POLA1: variants seen among roughly 807,000 people sequenced by gnomAD.
POLA1 encodes the protein DNA polymerase alpha catalytic subunit.
In POLA1, 15 loss-of-function variants were observed where a neutral mutation model predicts 124.0. The observed-to-expected ratio is 0.12, with a 90% CI of 0.08 to 0.19. POLA1 has a LOEUF of 0.19. POLA1 is among the 10% of genes least tolerant of loss of function. The pLI is 1.00. For missense variants in POLA1, 886 were observed against 1,103.4 expected (o/e 0.80, Z 2.79); for synonymous variants, 408 against 389.4 (o/e 1.05, Z -0.56).
In POLA1 at chrX:24,743,298, T is replaced by C; in HGVS notation, c.2535T>C (p.Tyr845=). 1 of 1,172,145 alleles carries C rather than the reference T, an allele frequency of 8.5e-7. No individual in the cohort carries two copies. The highest frequency in any genetic ancestry group is 1.2e-6 in the Non-Finnish European group (1 of 862,535). ...KYKKGRKKAA[Y]AGGLVLDPKV... ...AGAAAGGACGTAAGAAAGCAGCTTA[T>C]GCTGGAGGCTTGGTTTTGGACCCCA... The change falls in exon 23 of 37, where the codon TAT becomes TAC. Residue 845 remains tyrosine, a synonymous_variant. Transcript: ENST00000379068.
At chrX:24,745,269 CT>C in intron 23 of POLA1, 148 bp from the exon 24 acceptor site, 2 of 314,798 alleles carry the variant, frequency 6.4e-6, no homozygotes, top group Non-Finnish European at 5.4e-6. Flanking sequence ...GTAGTTGATT[CT>C]TTTTTTCCCT....
chrX:24,802,664 A>G (rs2045735086), intron 26 of POLA1, among the ~76,000 whole-genome samples: 1 of 111,933 alleles, frequency 8.9e-6, no homozygotes, highest in Non-Finnish European at 1.9e-5. Flanking sequence ...AAGATGCAGT[A>G]TAGTTAGTGT....
At chrX:24,921,692 G>T (rs778585108) in intron 35 of POLA1, among the ~76,000 whole-genome samples, 2 of 112,143 alleles carry the variant, frequency 1.8e-5, no homozygotes, top group East Asian at 5.6e-4. Flanking sequence ...CTTCAGAGGT[G>T]TCACCTAACC....
At chrX:24,867,600 T>C (rs887569539) in intron 34 of POLA1, among the ~76,000 whole-genome samples, 16 of 112,048 alleles carry the variant, frequency 1.4e-4, no homozygotes, top group South Asian at 7.3e-4. Context: ...TTACATGCTC[T>C]TTTTTAAAGC....
At chrX:24,717,518 C>A (rs763454108) in intron 9 of POLA1, 27 bp downstream of exon 9, 2 of 1,197,487 alleles carry the variant, frequency 1.7e-6, no homozygotes, top group Admixed American at 4.4e-5. Context: ...ACTTTTCTGG[C>A]AAATAGGACC....
At chrX:24,869,172 G>A (rs904156514) in intron 34 of POLA1, among the ~76,000 whole-genome samples, 8 of 112,424 alleles carry the variant, frequency 7.1e-5, no homozygotes, top group Admixed American at 4.7e-4. Flanking sequence ...GAGCTCAAGC[G>A]ATCCTCCCGC....
chrX:24,903,789 A>G (rs909334785), intron 35 of POLA1, among the ~76,000 whole-genome samples: 3 of 111,327 alleles, frequency 2.7e-5, no homozygotes, highest in African/African-American at 6.5e-5. Context: ...ATGGAGTAAG[A>G]ATAGTTCTTA....
intron 26 of POLA1, among the ~76,000 whole-genome samples, chrX:24,795,943 G>A (rs1161997122): frequency 9.0e-6 from 1 of 111,620 alleles, no homozygotes. Flanking sequence ...AGTGACAAAA[G>A]CAATTAATAT....
intron 26 of POLA1, among the ~76,000 whole-genome samples, chrX:24,774,530 G>A (rs2045099298): frequency 9.0e-6 from 1 of 111,228 alleles, no homozygotes; most frequent in African/African-American, 3.3e-5. Context: ...CTGGGCACTG[G>A]GTTTCTCTGC....
At chrX:24,709,495 C>T (rs1176187560) in intron 4 of POLA1, among the ~76,000 whole-genome samples, 1 of 109,563 alleles carries the variant, frequency 9.1e-6, no homozygotes, top group Non-Finnish European at 1.9e-5. Flanking sequence ...GGCTGACCCC[C>T]CCCACCTCCC....
intron 26 of POLA1, among the ~76,000 whole-genome samples, chrX:24,793,740 A>G (rs1478504941): frequency 9.1e-6 from 1 of 110,277 alleles, no homozygotes; most frequent in Non-Finnish European, 1.9e-5. Flanking sequence ...GCCTACCACC[A>G]TGCCCGGCTA....
chrX:24,945,845 A>T (rs1012303791), intron 36 of POLA1, among the ~76,000 whole-genome samples: 1 of 111,283 alleles, frequency 9.0e-6, no homozygotes, highest in Admixed American at 9.7e-5. Flanking sequence ...AATGAAGTCA[A>T]ACACAAGAAT....
chrX:24,944,161 A>G (rs1190910860), intron 36 of POLA1, among the ~76,000 whole-genome samples: 1 of 112,134 alleles, frequency 8.9e-6, no homozygotes, highest in Non-Finnish European at 1.9e-5. Context: ...GTTAGTCTGT[A>G]TACAGCTCAA....
At chrX:24,779,704 G>A (rs1345599621) in intron 26 of POLA1, among the ~76,000 whole-genome samples, 1 of 111,594 alleles carries the variant, frequency 9.0e-6, no homozygotes, top group East Asian at 2.8e-4. Flanking sequence ...GTGTTCTAGA[G>A]GCTTTATATA....
At chrX:24,974,380 T>C (rs1413259983) in intron 36 of POLA1, among the ~76,000 whole-genome samples, 1 of 111,242 alleles carries the variant, frequency 9.0e-6, no homozygotes, top group African/African-American at 3.3e-5. Context: ...TAGGTTAAGA[T>C]AGCAAAGACT....
rs1169677963 is a variant in POLA1, at chrX:24,826,724, T to G, written c.3736+123T>G. On this transcript the variant is annotated intron_variant, in intron 32 of 36. Transcript: ENST00000379068. ...GTCTGGCACTTCTTTGTTTATAGTT[T>G]AGAATGTATTTTTGTGGTTGTTTGG... 8.7e-6 allele frequency: 4 copies of G among 457,486 alleles called. No individual in the cohort carries two copies. The African/African-American group carries it at 9.9e-5, about 11-fold the overall frequency. The allele number at this position is 457,486 out of a possible 1,213,427, so 37.7% of individuals were successfully genotyped here.
chrX:24,700,378 C>T (rs956264485), intron 2 of POLA1, among the ~76,000 whole-genome samples: 1 of 111,530 alleles, frequency 9.0e-6, no homozygotes, highest in African/African-American at 3.3e-5. Context: ...GACAGTCTGG[C>T]TTCAGAATAT....
intron 36 of POLA1, among the ~76,000 whole-genome samples, chrX:24,971,685 G>T (rs1202330849): frequency 8.9e-6 from 1 of 111,958 alleles, no homozygotes; most frequent in Non-Finnish European, 1.9e-5. Flanking sequence ...CATACAGATA[G>T]GCATTTAAGC....
Position 24,742,028 on chromosome X carries a change from C to G in POLA1, c.2373C>G (p.Ser791=). ...IMSRTLMGGR[S]ERNEFLLLHA... Reference sequence around the variant, plus strand: ...CCAGGACGCTGATGGGTGGACGATCCGAGCGTAACGAGTTCTTGTTGCTTC... The same window carrying G: ...CCAGGACGCTGATGGGTGGACGATCGGAGCGTAACGAGTTCTTGTTGCTTC... Residue 791 remains serine (S), a synonymous_variant, in exon 22 of 37, where the codon TCC becomes TCG. Coordinates refer to ENST00000379068, the MANE Select transcript of POLA1 (RefSeq NM_001330360.2). The G allele has an allele frequency of 8.3e-7, 1 of 1,200,441 alleles. No individual in the cohort carries two copies. The highest frequency in any genetic ancestry group is 1.7e-5 in the African/African-American group (1 of 57,228).
Sources: allele counts gnomAD v4.1 joint callset (sites outside exome capture counted in the v4.1 genomes callset), GRCh38; gene constraint gnomAD v4.1.1; transcripts MANE v1.5; gene names NCBI Gene and HGNC (gene_info 2026-07-23, HGNC 2026-07-21).